Variants in MCF2 observed in about 807,000 individuals in gnomAD.
The protein encoded by MCF2 is proto-oncogene DBL.
A neutral mutation model predicts 82.5 loss-of-function variants in MCF2; 44 were observed. The observed-to-expected ratio is 0.53, with a 90% CI of 0.42 to 0.69. The LOEUF (loss-of-function observed/expected upper bound fraction) is 0.69, where lower values mean the gene tolerates loss of function less well. MCF2 is among the 30% of genes least tolerant of loss of function. The pLI, the probability that MCF2 is intolerant of heterozygous loss-of-function variation, is 0.00. For missense variants in MCF2, 623 were observed against 663.1 expected, an observed-to-expected ratio of 0.94 and a Z score of 0.66; for synonymous variants, 217 against 224.9, an observed-to-expected ratio of 0.96 and a Z score of 0.32.
chrX:139,587,718 A>G, exon 22 of MCF2: 1 of 1,172,364 alleles, frequency 8.5e-7, no homozygotes, highest in South Asian at 1.8e-5. Flanking sequence ...TCACTTACTC[A>G]TCATTCTGCT....
At chrX:139,598,556 G>T (rs1478467431) in intron 16 of MCF2, 58 bp from the exon 21 acceptor site, 3 of 634,973 alleles carry the variant, frequency 4.7e-6, no homozygotes, top group Non-Finnish European at 7.0e-6. Context: ...CTGTGAAAAT[G>T]CCAAGTGTTC....
upstream of MCF2, chrX:139,646,933 T>A: frequency 1.2e-6 from 1 of 828,211 alleles, no homozygotes; most frequent in Non-Finnish European, 1.7e-6. Context: ...ATCAACTGAA[T>A]TAAAAATGTA....
chrX:139,641,167 AATAT>A lies in MCF2; in HGVS notation c.51+1297_51+1300del, dbSNP rs200470729. Among the ~76,000 whole-genome samples, 6 of 105,531 alleles carry A rather than the reference AATAT, an allele frequency of 5.7e-5. No individual in the cohort carries two copies. The East Asian group carries it at 1.1e-3, about 20-fold the overall frequency. The allele number at this position is 105,531 out of a possible 115,157, so 91.6% of individuals were successfully genotyped here. ...ACATAAAACTAAGTTCAGCACTGAG[AATAT>A]ATATATATATAAATATATATATAAA... On this transcript the variant is annotated intron_variant, in intron 1 of 24. Coordinates refer to ENST00000370576, the Ensembl canonical transcript of MCF2.
chrX:139,587,738 T>A, exon 22 of MCF2: 1 of 1,194,721 alleles, frequency 8.4e-7, no homozygotes, highest in Non-Finnish European at 1.1e-6. Flanking sequence ...TGAAGAGAAA[T>A]CTGAAACTTA....
At chrX:139,584,514 A>T in intron 24 of MCF2, among the ~76,000 whole-genome samples, 1 of 111,094 alleles carries the variant, frequency 9.0e-6, no homozygotes, top group Non-Finnish European at 1.9e-5. Flanking sequence ...CAACTTGCAA[A>T]CTATTCCTTC....
intron 10 of MCF2, among the ~76,000 whole-genome samples, chrX:139,613,977 A>T (rs768999116): frequency 9.9e-5 from 11 of 110,931 alleles, no homozygotes; most frequent in Admixed American, 2.9e-4. Flanking sequence ...TATGCTCATT[A>T]TCCTTGGCTC....
intron 19 of MCF2, among the ~76,000 whole-genome samples, chrX:139,593,254 T>A (rs1267208847): frequency 9.0e-6 from 1 of 111,589 alleles, no homozygotes; most frequent in Non-Finnish European, 1.9e-5. Flanking sequence ...TCATTTTTTA[T>A]TGCGTCTATT....
chrX:139,704,080 A>T, intron 1 of MCF2, among the ~76,000 whole-genome samples: 1 of 110,352 alleles, frequency 9.1e-6, no homozygotes, highest in East Asian at 3.1e-4. Context: ...CAGACTAGGT[A>T]TCAAAAAAAA....
At chrX:139,639,301 T>G (rs1569376073) in intron 1 of MCF2, among the ~76,000 whole-genome samples, 1 of 112,121 alleles carries the variant, frequency 8.9e-6, no homozygotes, top group African/African-American at 3.2e-5. Flanking sequence ...TGTTTTTGCT[T>G]TTTTAAAAAA....
intron 6 of MCF2, among the ~76,000 whole-genome samples, chrX:139,621,446 G>A (rs892908221): frequency 2.7e-5 from 3 of 110,950 alleles, no homozygotes; most frequent in Non-Finnish European, 5.7e-5. Context: ...CACAAACTAT[G>A]CATCTGACAA....
At chrX:139,604,825 A>T in intron 14 of MCF2, 44 bp downstream of exon 18, 1 of 1,068,077 alleles carries the variant, frequency 9.4e-7, no homozygotes, top group Non-Finnish European at 1.3e-6. Context: ...GAGCACTTTA[A>T]ATAGTTTTAT....
At chrX:139,596,319 A>G (rs1930091569) in intron 19 of MCF2, among the ~76,000 whole-genome samples, 1 of 111,355 alleles carries the variant, frequency 9.0e-6, no homozygotes. Flanking sequence ...AATACCTAGG[A>G]TCGTAGTGAG....
chrX:139,629,813 T>A, exon 4 of MCF2: 1 of 1,208,631 alleles, frequency 8.3e-7, no homozygotes, highest in Non-Finnish European at 1.1e-6. Flanking sequence ...CTGAGCCATT[T>A]CTTTCACTGT....
At chrX:139,600,590 G>C (rs762845367) in intron 16 of MCF2, among the ~76,000 whole-genome samples, 1 of 111,590 alleles carries the variant, frequency 9.0e-6, no homozygotes, top group South Asian at 3.7e-4. Flanking sequence ...CACAACACTA[G>C]CATCCAGATC....
chrX:139,598,747 T>C (rs1426006639), intron 16 of MCF2, among the ~76,000 whole-genome samples: 1 of 111,883 alleles, frequency 8.9e-6, no homozygotes, highest in South Asian at 3.7e-4. Context: ...TTTTCAAATA[T>C]AAATTCATAT....
At chrX:139,616,459 A>G (rs1366812182) in exon 9 of MCF2, 3 of 1,100,650 alleles carry the variant, frequency 2.7e-6, no homozygotes, top group Non-Finnish European at 3.6e-6. Flanking sequence ...CCCCTTCATC[A>G]CAGCATTGAC....
chrX:139,584,115 C>T (rs1928714825), intron 24 of MCF2, among the ~76,000 whole-genome samples: 1 of 106,288 alleles, frequency 9.4e-6, no homozygotes, highest in African/African-American at 3.5e-5. Flanking sequence ...TTGTGATTAT[C>T]CATGCCATTA....
chrX:139,683,488 T>G (rs1391475800), intron 1 of MCF2, among the ~76,000 whole-genome samples: 1 of 112,273 alleles, frequency 8.9e-6, no homozygotes, highest in African/African-American at 3.2e-5. Context: ...AAGCTAGTCT[T>G]AAAATTCATA....
At chrX:139,683,032 T>A (rs1161070251) in intron 1 of MCF2, among the ~76,000 whole-genome samples, 1 of 111,622 alleles carries the variant, frequency 9.0e-6, no homozygotes, top group African/African-American at 3.3e-5. Flanking sequence ...TGGGCTTAAG[T>A]GATCCTCCCA....
Sources: allele counts gnomAD v4.1 joint callset (sites outside exome capture counted in the v4.1 genomes callset), GRCh38; gene constraint gnomAD v4.1.1; transcripts MANE v1.5; gene names NCBI Gene and HGNC (gene_info 2026-07-23, HGNC 2026-07-21).